Variants in DEAF1 observed in about 807,000 individuals in gnomAD.
DEAF1 encodes deformed epidermal autoregulatory factor 1 homolog.
A neutral mutation model predicts 58.9 loss-of-function variants in DEAF1; 53 were observed. The ratio of observed to expected loss-of-function variants is 0.90; its 90% CI spans 0.72 to 1.13. DEAF1 has a LOEUF of 1.13. DEAF1 is among the 50% of genes most tolerant of loss of function. The probability of loss-of-function intolerance (pLI) is 0.00; values close to 1 mark genes in which losing one functional copy is unlikely to be tolerated. For missense variants in DEAF1, 685 were observed against 791.4 expected, an observed-to-expected ratio of 0.87 and a Z score of 1.61; for synonymous variants, 385 against 340.4, an observed-to-expected ratio of 1.13 and a Z score of -1.44.
At chr11:695,625 G>C, upstream of DEAF1, 4 of 1,244,928 alleles carry the variant, frequency 3.2e-6, no homozygotes, top group Non-Finnish European at 4.0e-6. Context: ...CCGAACGTCG[G>C]TTCTCCACCT....
intron 1 of DEAF1, chr11:702,893 G>A (rs761445328): frequency 1.3e-6 from 2 of 1,535,478 alleles, no homozygotes; most frequent in South Asian, 2.4e-5. Context: ...TGGGCGGTGG[G>A]CTCCAGGGAG....
At chr11:705,884 C>T (rs1017544984) in intron 1 of DEAF1, among the ~76,000 whole-genome samples, 1 of 152,230 alleles carries the variant, frequency 6.6e-6, no homozygotes, top group Non-Finnish European at 1.5e-5. Flanking sequence ...AGGAAGAGCT[C>T]GAGGCCTCGC....
chr11:679,568 T>TG, intron 8 of DEAF1, 120 bp downstream of exon 8: 2 of 1,499,984 alleles, frequency 1.3e-6, no homozygotes, highest in Non-Finnish European at 9.2e-7. Context: ...AACAAACGCC[T>TG]GGTTCAAGGC....
intron 10 of DEAF1, among the ~76,000 whole-genome samples, chr11:668,498 T>C (rs981050217): frequency 6.6e-6 from 1 of 152,104 alleles, no homozygotes; most frequent in African/African-American, 2.4e-5. Context: ...CTGCAACCTC[T>C]ACCCCTGGGC....
At chr11:669,862 G>A (rs918619279) in intron 10 of DEAF1, among the ~76,000 whole-genome samples, 7 of 148,164 alleles carry the variant, frequency 4.7e-5, no homozygotes, top group Non-Finnish European at 8.9e-5. Context: ...CCTGGGAGGC[G>A]AAGGCTACAG....
chr11:644,434 T>C lies in DEAF1; in HGVS notation c.*116A>G, dbSNP rs1858381891. The C allele has an allele frequency of 6.3e-6, 5 of 789,704 alleles. No homozygotes were observed. Among genetic ancestry groups the C allele is most frequent in the African/African-American group, 3.4e-5 (2 of 58,586 alleles). The allele number at this position is 789,704 out of a possible 1,614,324, so 48.9% of individuals were successfully genotyped here. On this transcript the variant is annotated 3_prime_UTR_variant, in exon 12 of 12. Transcript: ENST00000382409. The surrounding 1 kb of genome is among the most constrained non-coding windows in gnomAD (Gnocchi z 4.3). The stretch of plus-strand genomic sequence containing the variant: ...TAATGACTTGTCCAGCAAGTTTCTT[T>C]ACCTTCCCACACCCCTCTTCTCAAC...
chr11:695,501 G>A (rs1304255508), upstream of DEAF1: 10 of 895,386 alleles, frequency 1.1e-5, no homozygotes, highest in South Asian at 3.4e-4. Flanking sequence ...GCGCAATTCT[G>A]CCTCTCAGAG....
At chr11:702,892 G>A in intron 1 of DEAF1, 1 of 1,526,482 alleles carries the variant, frequency 6.6e-7, no homozygotes. Flanking sequence ...GTGGGCGGTG[G>A]GCTCCAGGGA....
In DEAF1 at chr11:644,266, C is replaced by CGTAT. The variant is rs1249878542; in HGVS notation, c.*280_*283dup. ...TTACACTTTATTGACAGACACAACA[C>CGTAT]GTATGTATGTGCGTCGCAGCACAGG... is the stretch of plus-strand genomic sequence containing the variant. On this transcript the variant is annotated 3_prime_UTR_variant, in exon 12 of 12. Transcript: ENST00000382409. This position sits in a 1 kb window ranked among gnomAD's most constrained non-coding sequence, Gnocchi z 4.3. 3 of 534,642 alleles carry CGTAT rather than the reference C, an allele frequency of 5.6e-6. No homozygotes were observed. Among genetic ancestry groups the CGTAT allele is most frequent in the Non-Finnish European group, 1.0e-5 (3 of 294,032 alleles). 33.1% of individuals were successfully genotyped at this position (534,642 alleles called of 1,614,324 possible). A position where few individuals can be genotyped will look rare whatever the true frequency, so the allele number is the denominator to read the frequency against.
chr11:680,204 C>G (rs945925266), intron 7 of DEAF1: 1 of 305,092 alleles, frequency 3.3e-6, no homozygotes, highest in Admixed American at 4.8e-5. Context: ...GCAAGGCTGC[C>G]CTGTGTCCCA....
At chr11:656,572 G>T (rs571553640) in intron 10 of DEAF1, among the ~76,000 whole-genome samples, 28 of 152,368 alleles carry the variant, frequency 1.8e-4, no homozygotes, top group Non-Finnish European at 3.2e-4. Flanking sequence ...GGGCCAGGCA[G>T]GACCCTGGTC....
chr11:691,443 C>T lies in DEAF1; in HGVS notation c.387+58G>A, dbSNP rs563914647. ...GAACCCCGGGAGAGCCTCGGGGAAGCCGGAGGCCCCCAGCGTGGCACCACC... is the reference window on the plus strand; with the variant it reads ...GAACCCCGGGAGAGCCTCGGGGAAGTCGGAGGCCCCCAGCGTGGCACCACC... On this transcript the variant is annotated intron_variant, in intron 2 of 11. Transcript: ENST00000382409. The T allele has an allele frequency of 1.5e-4, 223 of 1,527,686 alleles. 1 individual carries two copies. The African/African-American group carries it at 2.9e-3, about 20-fold the overall frequency. 94.6% of individuals were successfully genotyped at this position (1,527,686 alleles called of 1,614,324 possible).
intron 11 of DEAF1, among the ~76,000 whole-genome samples, chr11:649,868 A>G (rs1166628273): frequency 6.6e-6 from 1 of 150,578 alleles, no homozygotes; most frequent in Non-Finnish European, 1.5e-5. Context: ...TCTACTAAAA[A>G]CACAAAAATT....
chr11:700,662 C>T (rs774064549), intron 1 of DEAF1: 1 of 1,614,110 alleles, frequency 6.2e-7, no homozygotes, highest in Non-Finnish European at 8.5e-7. Context: ...CGATCTTGCT[C>T]TGCTGTTTCT....
At chr11:659,906 C>T (rs7940539) in intron 10 of DEAF1, among the ~76,000 whole-genome samples, 2,761 of 152,276 alleles carry the variant, frequency 0.018, 78 homozygotes, top group African/African-American at 0.062. Context: ...TGGGGAGTCC[C>T]AGCGTCACCC....
In DEAF1 at chr11:704,971, G is replaced by A. The variant is rs1388925602; in HGVS notation, c.-438+1601C>T. On this transcript the variant is annotated intron_variant, in intron 1 of 11. Coordinates refer to the DEAF1 transcript ENST00000683307. Reference sequence around the variant, plus strand: ...GAGCTCTGGGTCAGGGCAAGCTCATGCATGGAGCAGGATCACGGCAGGTTC... The same window carrying A: ...GAGCTCTGGGTCAGGGCAAGCTCATACATGGAGCAGGATCACGGCAGGTTC... The A allele has an allele frequency of 6.6e-5, 21 of 319,504 alleles. 1 individual carries two copies. The highest frequency in any genetic ancestry group is 4.7e-4 in the South Asian group (18 of 38,492). 19.8% of individuals were successfully genotyped at this position (319,504 alleles called of 1,614,324 possible).
At chr11:699,254 T>A, upstream of DEAF1, 1 of 300,502 alleles carries the variant, frequency 3.3e-6, no homozygotes, top group Admixed American at 4.5e-5. Flanking sequence ...GGACAGAGCC[T>A]TCCTCTCACC....
intron 10 of DEAF1, among the ~76,000 whole-genome samples, chr11:673,193 T>A (rs994779716): frequency 6.6e-6 from 1 of 151,628 alleles, no homozygotes; most frequent in Non-Finnish European, 1.5e-5. Context: ...GAAAAAAAAA[T>A]AATGATAATA....
intron 10 of DEAF1, among the ~76,000 whole-genome samples, chr11:665,681 C>T (rs963969520): frequency 6.6e-6 from 1 of 152,248 alleles, no homozygotes; most frequent in African/African-American, 2.4e-5. Context: ...GCATCAGACA[C>T]TCTGGCTGCC....
Sources: gnomAD v4.1 joint callset for allele counts (sites outside exome capture counted in the v4.1 genomes callset) on GRCh38, gnomAD v4.1.1 for gene constraint, Gnocchi (gnomAD v3.1) non-coding constraint, MANE v1.5 for transcripts, NCBI Gene and HGNC (gene_info 2026-07-23, HGNC 2026-07-21) for gene names.